The following KATNB1 variants were observed in gnomAD, a reference collection of about 807,000 sequenced individuals.
The protein encoded by KATNB1 is katanin p80 WD40 repeat-containing subunit B1.
KATNB1 carries 38 observed loss-of-function variants against 82.3 expected under a neutral mutation model. The ratio of observed to expected loss-of-function variants is 0.46; its 90% confidence interval spans 0.36 to 0.61. The LOEUF (loss-of-function observed/expected upper bound fraction) is 0.61. KATNB1 is among the 20% of genes least tolerant of loss of function. The pLI, the probability that KATNB1 is intolerant of heterozygous loss-of-function variation, is 0.00. For synonymous variants in KATNB1, 361 were observed against 368.7 expected (o/e 0.98, Z 0.24); for missense variants, 749 against 915.7 (o/e 0.82, Z 2.35).
At chr16:57,738,891 A>G (rs1349258154) in intron 2 of KATNB1, among the ~76,000 whole-genome samples, 1 of 151,884 alleles carries the variant, frequency 6.6e-6, no homozygotes, top group African/African-American at 2.4e-5. Context: ...CAGGAACTGG[A>G]TAACCGTATC....
rs782094489 is a variant in KATNB1 at position 57,753,065 on chromosome 16, C to T, written c.856-12C>T. The T allele has an allele frequency of 1.5e-5, 24 of 1,595,028 alleles. No individual in the cohort carries two copies. Among genetic ancestry groups the T allele is most frequent in the East Asian group, 6.7e-5 (3 of 44,606 alleles). ...GCTTGCAGTCCCAGCCCCACCTCTC[C>T]GCTTTCTGCAGATAGGTGTGGCCTT... On this transcript the variant is annotated splice_polypyrimidine_tract_variant and intron_variant, in intron 10 of 19. Transcript: ENST00000379661.
rs781951080 is a variant in KATNB1, at chr16:57,755,981, G to T, written c.1644-11G>T. On this transcript the variant is annotated splice_polypyrimidine_tract_variant and intron_variant, in intron 17 of 19. Coordinates refer to ENST00000379661, the MANE Select transcript of KATNB1 (RefSeq NM_005886.3). ...GCTGGGCTGATGGCAGCATGTCCTG[G>T]CCTCTCCTAGCTCCCTGTGGAAGCT... The T allele has an allele frequency of 1.9e-6, 3 of 1,613,384 alleles. No homozygotes were observed. Among genetic ancestry groups the T allele is most frequent in the Non-Finnish European group, 1.7e-6 (2 of 1,179,916 alleles).
At chr16:57,756,334 C>G in intron 18 of KATNB1, 22 bp from the exon 19 acceptor site, 2 of 1,600,114 alleles carry the variant, frequency 1.2e-6, no homozygotes, top group Non-Finnish European at 1.7e-6. Context: ...CCATCTGTGA[C>G]TTCATCCATC....
At position 57,755,569 on chromosome 16, in the gene KATNB1, GAAC is replaced by G. The variant is rs1190148320; in HGVS notation, c.1566+78_1566+80del. ...CACCTGCCTGCCCGGGCTTGGGGCAGAACAAGAAGAGGCCACCCATGGGGGACA... is the reference window on the plus strand; with the variant it reads ...CACCTGCCTGCCCGGGCTTGGGGCAGAAGAAGAGGCCACCCATGGGGGACA... On this transcript the variant is annotated intron_variant, in intron 16 of 19. Transcript: ENST00000379661. The G allele has an allele frequency of 2.6e-6, 4 of 1,555,782 alleles. No homozygotes were observed. In the African/African-American group the frequency reaches 5.4e-5, roughly 21 times the overall value.
chr16:57,742,536 C>T (rs1385371477), intron 3 of KATNB1, among the ~76,000 whole-genome samples: 2 of 152,246 alleles, frequency 1.3e-5, no homozygotes, highest in Admixed American at 1.3e-4. Flanking sequence ...CACAAATACT[C>T]ATACAAGCAC....
chr16:57,744,286 C>T, intron 3 of KATNB1, 108 bp from the exon 4 acceptor site: 1 of 947,134 alleles, frequency 1.1e-6, no homozygotes, highest in Non-Finnish European at 1.7e-6. Context: ...GCTCCCCCTC[C>T]TGCCTTAGCC....
chr16:57,736,836 C>T (rs933740263), intron 1 of KATNB1, 142 bp from the exon 2 acceptor site: 2 of 409,708 alleles, frequency 4.9e-6, no homozygotes, highest in Admixed American at 5.9e-5. Flanking sequence ...CTGCAGATTC[C>T]CAAACCTAAT....
In KATNB1 at chr16:57,755,459, A is replaced by T. The variant is rs569821357; in HGVS notation, c.1531A>T (p.Thr511Ser). 5.0e-6 allele frequency: 8 copies of T among 1,613,406 alleles called. No individual in the cohort carries two copies. In the South Asian group the frequency reaches 7.7e-5, roughly 15 times the overall value. ...CACCAGCCGCCACAAGAACCTGGAC[A>T]CTGTGCGGGCTGTGTGGACCATGGG... ...VLTSRHKNLD[T>S]VRAVWTMGDI... is the part of the protein sequence containing the mutation. The change falls in exon 16 of 20, where the codon ACT (threonine) becomes TCT (serine). Residue 511 changes from threonine to serine, a missense_variant. By Grantham distance (58) the Thr-to-Ser change is moderately conservative. This residue lies in a region of KATNB1 where 407 missense variants were observed against 434.7 expected (regional missense o/e 0.94). Transcript: ENST00000379661.
intron 16 of KATNB1, 65 bp from the exon 17 acceptor site, chr16:57,755,776 C>T: frequency 8.8e-6 from 13 of 1,471,842 alleles, no homozygotes; most frequent in East Asian, 2.3e-5. Context: ...GTACCCCCAC[C>T]CTCACCCTCA....
chr16:57,736,844 A>G (rs563363277), intron 1 of KATNB1, 134 bp from the exon 2 acceptor site: 3 of 419,296 alleles, frequency 7.2e-6, no homozygotes, highest in South Asian at 5.6e-5. Context: ...TCCCAAACCT[A>G]ATTTGCAGTG....
Position 57,755,226 on chromosome 16 carries a change from C to G in KATNB1, c.1404C>G (p.Ser468=), listed in dbSNP as rs781990513. The G allele has an allele frequency of 3.7e-6, 6 of 1,610,842 alleles. No homozygotes were observed. The African/African-American group carries it at 5.3e-5, about 14-fold the overall frequency. ...TRNEPIGLKA[S]DFLPAVKIPQ... is the part of the protein sequence containing the mutation. Reference sequence around the variant, plus strand: ...ACGAGCCCATCGGGCTGAAGGCCTCCGACTTCCTGCCCGTGAGTAGGAGCC... The same window carrying G: ...ACGAGCCCATCGGGCTGAAGGCCTCGGACTTCCTGCCCGTGAGTAGGAGCC... The change falls in exon 15 of 20, where the codon TCC becomes TCG. Residue 468 remains serine, a synonymous_variant. Coordinates refer to ENST00000379661, the MANE Select transcript of KATNB1 (RefSeq NM_005886.3).
chr16:57,735,860 A>C lies in KATNB1; in HGVS notation c.-267+5A>C, dbSNP rs575449474. ...CCTCCGGAGCCGCAGCTGCAGGTGG[A>C]GTGGGCAAGGGGACGAGGTGGCGAG... On this transcript the variant is annotated splice_donor_5th_base_variant and intron_variant, in intron 1 of 19. Coordinates refer to ENST00000379661, the MANE Select transcript of KATNB1 (RefSeq NM_005886.3). The C allele has an allele frequency of 1.8e-4, 27 of 152,668 alleles. No individual in the cohort carries two copies. The highest frequency in any genetic ancestry group is 6.5e-4 in the African/African-American group (27 of 41,502). 9.5% of individuals were successfully genotyped at this position (152,668 alleles called of 1,614,324 possible).
chr16:57,752,654 G>A, intron 9 of KATNB1, 53 bp downstream of exon 9: 1 of 1,545,774 alleles, frequency 6.5e-7, no homozygotes, highest in Non-Finnish European at 8.7e-7. Flanking sequence ...AGTGGGGCGT[G>A]GCTGTGGGTG....
At chr16:57,739,005 G>A (rs2148787680) in intron 2 of KATNB1, among the ~76,000 whole-genome samples, 1 of 152,306 alleles carries the variant, frequency 6.6e-6, no homozygotes, top group South Asian at 2.1e-4. Context: ...TGCATGAACA[G>A]CAAGTGCAAA....
Position 57,752,538 on chromosome 16 carries a change from G to T in KATNB1, c.641G>T (p.Arg214Leu). 6.4e-7 allele frequency: 1 copy of T among 1,565,310 alleles called. No individual in the cohort carries two copies. Among genetic ancestry groups the T allele is most frequent in the Admixed American group, 1.9e-5 (1 of 51,850 alleles). Residue 214 changes from arginine (R) to leucine (L), a missense_variant, in exon 9 of 20, where the codon CGC becomes CTC. Coordinates refer to ENST00000379661, the MANE Select transcript of KATNB1 (RefSeq NM_005886.3). ...LASGSSDRTIRFWDLEKFQVV... is the reference protein window; with the variant it reads ...LASGSSDRTILFWDLEKFQVV... ...CTTGGCTGCCTTTGCAGGACAATCCGCTTCTGGGACCTGGAGAAGTTCCAG... is the reference window on the plus strand; with the variant it reads ...CTTGGCTGCCTTTGCAGGACAATCCTCTTCTGGGACCTGGAGAAGTTCCAG...
Position 57,752,947 on chromosome 16 carries a change from C to A in KATNB1, c.855+19C>A, listed in dbSNP as rs1011042142. ...CCAGTTGGTGAGAGAGCCATGGCAC[C>A]CACCGCCCCCCACTCCCACAGGGCC... On this transcript the variant is annotated intron_variant, in intron 10 of 19. Coordinates refer to ENST00000379661, the MANE Select transcript of KATNB1 (RefSeq NM_005886.3). 1.9e-6 allele frequency: 3 copies of A among 1,599,024 alleles called. No homozygotes were observed. The highest frequency in any genetic ancestry group is 2.5e-6 in the Non-Finnish European group (3 of 1,178,764).
Position 57,753,458 on chromosome 16 carries a change from C to G in KATNB1, c.1116C>G (p.Ser372=). The change falls in exon 12 of 20, where the codon TCC becomes TCG. Residue 372 remains serine, a synonymous_variant. Transcript: ENST00000379661. ...SSEDDRDERE[S]RAEIQNAEDY... ...AGGATGACCGGGACGAGCGCGAGTC[C>G]CGCGCGGAGATCCAGAACGCCGAGG... 2 of 1,613,204 alleles carry G rather than the reference C, an allele frequency of 1.2e-6. No homozygotes were observed. Among genetic ancestry groups the G allele is most frequent in the Non-Finnish European group, 1.7e-6 (2 of 1,179,932 alleles).
chr16:57,741,494 T>C (rs1488541238), intron 2 of KATNB1, among the ~76,000 whole-genome samples, 193 bp from the exon 3 acceptor site: 2 of 152,214 alleles, frequency 1.3e-5, no homozygotes, highest in Non-Finnish European at 2.9e-5. Context: ...AACAGTGATT[T>C]CCGTCTCAGG....
intron 2 of KATNB1, among the ~76,000 whole-genome samples, chr16:57,739,718 C>T (rs2049128730): frequency 1.3e-5 from 2 of 152,138 alleles, no homozygotes; most frequent in African/African-American, 2.4e-5. Flanking sequence ...TGGGCTCCTC[C>T]AGAAGGGCCC....
Sources: gnomAD v4.1 joint callset for allele counts (sites outside exome capture counted in the v4.1 genomes callset) on GRCh38, gnomAD v4.1.1 for gene constraint, gnomAD v4.1.1 regional missense constraint, MANE v1.5 for transcripts, NCBI Gene and HGNC (gene_info 2026-07-23, HGNC 2026-07-21) for gene names.